Variants in DYNC1I1 observed in about 807,000 individuals in gnomAD.
DYNC1I1 encodes the protein dynein cytoplasmic 1 intermediate chain 1, also known as cytoplasmic dynein 1 intermediate chain 1.
In DYNC1I1, 43 loss-of-function variants were observed where a neutral mutation model predicts 86.6. That is an observed-to-expected ratio of 0.50 (90% CI 0.39 to 0.64). The LOEUF is 0.64. Among genes scored for constraint, DYNC1I1 ranks in the 30% least tolerant of loss-of-function variants. DYNC1I1 has a pLI of 0.00. For missense variants in DYNC1I1, 604 were observed against 788.8 expected, an observed-to-expected ratio of 0.77 and a Z score of 2.81; for synonymous variants, 262 against 283.7, an observed-to-expected ratio of 0.92 and a Z score of 0.77.
At chr7:96,082,846 CA>C (rs1388981272) in intron 16 of DYNC1I1, among the ~76,000 whole-genome samples, 1 of 152,150 alleles carries the variant, frequency 6.6e-6, no homozygotes, top group African/African-American at 2.4e-5. Context: ...ATGCTATCAT[CA>C]TTTCTAAATT....
At chr7:95,850,463 C>G (rs1174117671) in intron 5 of DYNC1I1, among the ~76,000 whole-genome samples, 1 of 152,092 alleles carries the variant, frequency 6.6e-6, no homozygotes, top group Non-Finnish European at 1.5e-5. Context: ...TTGAAATGAT[C>G]ATAAAAGTTT....
chr7:96,039,362 TTTTCTCACC>T lies in DYNC1I1; in HGVS notation c.1452_1460del (p.Phe484_His486del). ...CCACATGGCAGTGGGCCCAATCGAC[TTTTCTCACC>T]TGTTTGTCACATCATCATTTGACTG... On this transcript the variant is annotated inframe_deletion, in exon 14 of 17. Transcript: ENST00000447467. 1 of 1,614,110 alleles carries T rather than the reference TTTTCTCACC, an allele frequency of 6.2e-7. No individual in the cohort carries two copies. Among genetic ancestry groups the T allele is most frequent in the Non-Finnish European group, 8.5e-7 (1 of 1,179,972 alleles).
At chr7:95,847,477 C>A (rs543174372) in intron 5 of DYNC1I1, among the ~76,000 whole-genome samples, 1 of 152,112 alleles carries the variant, frequency 6.6e-6, no homozygotes, top group Non-Finnish European at 1.5e-5. Flanking sequence ...AACATTGGCC[C>A]CTCATTTGTC....
intron 5 of DYNC1I1, among the ~76,000 whole-genome samples, chr7:95,863,532 C>G (rs540460051): frequency 6.6e-6 from 1 of 152,092 alleles, no homozygotes; most frequent in Non-Finnish European, 1.5e-5. Context: ...ATTAAGGCAG[C>G]CTTGATCTTA....
chr7:95,975,661 A>T lies in DYNC1I1; in HGVS notation c.491-1851A>T, dbSNP rs79420852. Among the ~76,000 whole-genome samples the T allele has an allele frequency of 6.9e-3, 1,051 of 152,260 alleles. 15 individuals are homozygous for T. Among genetic ancestry groups the T allele is most frequent in the African/African-American group, 0.024 (988 of 41,532 alleles). On this transcript the variant is annotated intron_variant, in intron 6 of 16. Coordinates refer to ENST00000447467, the MANE Select transcript of DYNC1I1 (RefSeq NM_001135556.2). ...TTACTTCAACATATGAATTTTGGGG[A>T]CACAGTTCAACCCATAGTTCTGGCC...
chr7:96,070,526 A>C (rs1337851466), intron 14 of DYNC1I1, among the ~76,000 whole-genome samples: 1 of 152,176 alleles, frequency 6.6e-6, no homozygotes, highest in Non-Finnish European at 1.5e-5. Flanking sequence ...AACAGGATAT[A>C]GTTTTTAAGG....
intron 16 of DYNC1I1, among the ~76,000 whole-genome samples, chr7:96,097,066 G>A (rs1315279332): frequency 6.6e-6 from 1 of 151,944 alleles, no homozygotes; most frequent in Non-Finnish European, 1.5e-5. Flanking sequence ...CAACACTTTA[G>A]AAAAAGGATT....
At chr7:96,021,493 G>C (rs1562974397) in intron 10 of DYNC1I1, among the ~76,000 whole-genome samples, 1 of 152,174 alleles carries the variant, frequency 6.6e-6, no homozygotes, top group Admixed American at 6.5e-5. Flanking sequence ...TCAGAAACAT[G>C]TCTGCACAAT....
chr7:95,840,344 A>G (rs553341670), intron 5 of DYNC1I1, among the ~76,000 whole-genome samples: 22 of 152,064 alleles, frequency 1.4e-4, no homozygotes, highest in Non-Finnish European at 3.1e-4. Context: ...CTTCTGCTTA[A>G]TCAAATCTGC....
At chr7:95,994,800 C>A (rs1033542972) in intron 9 of DYNC1I1, among the ~76,000 whole-genome samples, 3 of 152,080 alleles carry the variant, frequency 2.0e-5, no homozygotes, top group African/African-American at 7.2e-5. Context: ...TGGAGTAGGT[C>A]AGTATAGGAA....
At chr7:95,822,192 G>C (rs1318583475) in intron 4 of DYNC1I1, among the ~76,000 whole-genome samples, 1 of 152,074 alleles carries the variant, frequency 6.6e-6, no homozygotes, top group Admixed American at 6.6e-5. Flanking sequence ...ACTTCTTTCT[G>C]TCTCATAAAC....
At chr7:96,101,534 C>T (rs903986036), downstream of DYNC1I1, among the ~76,000 whole-genome samples, 5 of 152,152 alleles carry the variant, frequency 3.3e-5, no homozygotes, top group African/African-American at 1.2e-4. Context: ...CAGAAAGAAA[C>T]AAACCAACAT....
chr7:96,055,694 G>T (rs111652124), intron 14 of DYNC1I1: 22 of 151,934 alleles, frequency 1.4e-4, no homozygotes, highest in African/African-American at 5.1e-4. Context: ...GTGAAACAAG[G>T]TAAAGAAATA....
At chr7:96,032,410 G>T (rs1331954863) in intron 11 of DYNC1I1, among the ~76,000 whole-genome samples, 1 of 152,108 alleles carries the variant, frequency 6.6e-6, no homozygotes, top group Admixed American at 6.6e-5. Flanking sequence ...ATTTGTTCTA[G>T]CGTCCTTCTG....
chr7:95,960,948 G>T (rs1013157775), intron 6 of DYNC1I1, among the ~76,000 whole-genome samples: 3 of 152,218 alleles, frequency 2.0e-5, no homozygotes, highest in African/African-American at 7.2e-5. Context: ...CGCCAAGCAT[G>T]GGCTCTAGAA....
At chr7:95,925,293 C>G (rs923730964) in intron 6 of DYNC1I1, among the ~76,000 whole-genome samples, 4 of 152,088 alleles carry the variant, frequency 2.6e-5, no homozygotes, top group African/African-American at 9.7e-5. Flanking sequence ...TTCCACCTCC[C>G]TTTTGATGAA....
At chr7:95,826,907 C>T (rs1271922310) in intron 4 of DYNC1I1, among the ~76,000 whole-genome samples, 1 of 152,092 alleles carries the variant, frequency 6.6e-6, no homozygotes, top group Non-Finnish European at 1.5e-5. Flanking sequence ...CACTGCAGGC[C>T]AGTTCATAAG....
chr7:95,971,793 A>T (rs147820833), intron 6 of DYNC1I1, among the ~76,000 whole-genome samples: 2 of 152,174 alleles, frequency 1.3e-5, no homozygotes, highest in Non-Finnish European at 2.9e-5. Flanking sequence ...ATTCAAAGTC[A>T]AAGTGGTAAT....
intron 5 of DYNC1I1, among the ~76,000 whole-genome samples, chr7:95,845,798 G>T (rs2116039013): frequency 6.6e-6 from 1 of 152,244 alleles, no homozygotes; most frequent in Admixed American, 6.5e-5. Flanking sequence ...TTTGTCACAA[G>T]AGAGGAAGGA....
Sources: gnomAD v4.1 joint callset for allele counts (sites outside exome capture counted in the v4.1 genomes callset) on GRCh38, gnomAD v4.1.1 for gene constraint, MANE v1.5 for transcripts, NCBI Gene and HGNC (gene_info 2026-07-23, HGNC 2026-07-21) for gene names.